The following HIVEP1 variants were observed in gnomAD, a reference collection of about 807,000 sequenced individuals.
The protein encoded by HIVEP1 is HIVEP zinc finger 1.
Under a neutral mutation model 180.0 loss-of-function variants are expected in HIVEP1, and 36 were observed. That is an observed-to-expected ratio of 0.20 (90% confidence interval 0.15 to 0.26). HIVEP1 has a LOEUF of 0.26. Among genes scored for constraint, HIVEP1 ranks in the 10% least tolerant of loss-of-function variants. HIVEP1 has a pLI of 1.00. For missense variants in HIVEP1, 3,143 were observed against 3,268.7 expected (o/e 0.96, Z 0.94); for synonymous variants, 1,239 against 1,239.0 (o/e 1.00, Z 0.00).
At chr6:12,032,314 A>ATT (rs761352312) in intron 2 of HIVEP1, among the ~76,000 whole-genome samples, 1 of 149,380 alleles carries the variant, frequency 6.7e-6, no homozygotes, top group African/African-American at 2.5e-5. Context: ...AATTTTTTGT[A>ATT]TTTTTTTTTA....
intron 2 of HIVEP1, among the ~76,000 whole-genome samples, chr6:12,078,324 G>A (rs1403605808): frequency 3.3e-5 from 5 of 151,956 alleles, no homozygotes; most frequent in Admixed American, 6.6e-5. Flanking sequence ...GTGCTGCCCC[G>A]TCTCTGTTGC....
At position 12,129,885 on chromosome 6, in the gene HIVEP1, G is replaced by A. The variant is rs780770916; in HGVS notation, c.6202G>A (p.Asp2068Asn). The A allele has an allele frequency of 6.5e-7, 1 of 1,550,224 alleles. No individual in the cohort carries two copies. Among genetic ancestry groups the A allele is most frequent in the East Asian group, 2.3e-5 (1 of 44,414 alleles). ...KSEPRRIKIF[D>N]GGYKSNEEYV... ...TGAACCAAGAAGAATTAAAATATTT[G>A]ATGGAGGGCAAGTACAAATTTTACT... The change falls in exon 5 of 9, where the codon GAT becomes AAT. Residue 2068 changes from aspartate to asparagine, a missense_variant. Physicochemically the swap from Asp to Asn is conservative, Grantham distance 23. Transcript: ENST00000379388.
intron 2 of HIVEP1, among the ~76,000 whole-genome samples, chr6:12,040,328 T>G (rs1769594107): frequency 6.6e-6 from 1 of 152,236 alleles, no homozygotes; most frequent in African/African-American, 2.4e-5. Flanking sequence ...TTTAAAATTG[T>G]GTAATTTTCT....
At chr6:12,061,953 G>T (rs1771264837) in intron 2 of HIVEP1, among the ~76,000 whole-genome samples, 1 of 152,110 alleles carries the variant, frequency 6.6e-6, no homozygotes, top group African/African-American at 2.4e-5. Flanking sequence ...ATTTGAATGA[G>T]AGCCAAGTAT....
intron 2 of HIVEP1, chr6:12,037,899 A>T (rs992945101): frequency 2.5e-6 from 1 of 392,830 alleles, no homozygotes; most frequent in Non-Finnish European, 4.5e-6. Context: ...GGCGGAGGGG[A>T]GGGGAGTTCC....
In HIVEP1 at chr6:12,163,341, C is replaced by T. The variant is rs535930258; in HGVS notation, c.7037C>T (p.Ala2346Val). The T allele has an allele frequency of 1.9e-5, 30 of 1,614,054 alleles. No individual in the cohort carries two copies. Among genetic ancestry groups the T allele is most frequent in the Middle Eastern group, 1.6e-4 (1 of 6,084 alleles). ...GCTGAGCACAGCCCCCAGACAGCAG[C>T]GGGGATGCCTTCTGTGGCCTCACCA... ...AAAEHSPQTA[A>V]GMPSVASPHP... is the part of the protein sequence containing the mutation. The change falls in exon 9 of 9, where the codon GCG (alanine) becomes GTG (valine). Residue 2346 changes from alanine (A) to valine (V), a missense_variant. Around this residue, in one of 12 missense-constraint regions of HIVEP1, gnomAD observed 595 missense variants for 602.2 expected, o/e 0.99. Coordinates refer to ENST00000379388, the MANE Select transcript of HIVEP1 (RefSeq NM_002114.4).
chr6:12,038,267 G>A (rs1769425378), intron 2 of HIVEP1: 1 of 152,070 alleles, frequency 6.6e-6, no homozygotes, highest in Admixed American at 6.6e-5. Context: ...ACTATATTTT[G>A]GTGTAATTGT....
chr6:12,019,348 G>A (rs550616094), intron 2 of HIVEP1, among the ~76,000 whole-genome samples: 2 of 152,312 alleles, frequency 1.3e-5, no homozygotes, highest in African/African-American at 4.8e-5. Flanking sequence ...GGATGTGGGG[G>A]TTAGAGTAAG....
the HIVEP1 span, among the ~76,000 whole-genome samples, chr6:12,196,412 A>G: frequency 6.6e-6 from 1 of 152,096 alleles, no homozygotes; most frequent in East Asian, 1.9e-4. Context: ...CAGTTTCTCC[A>G]TTTCTATCAT....
chr6:12,013,406 G>A (rs1368019053), intron 1 of HIVEP1, among the ~76,000 whole-genome samples: 1 of 152,142 alleles, frequency 6.6e-6, no homozygotes, highest in Non-Finnish European at 1.5e-5. Flanking sequence ...CGTCCTAGTC[G>A]CTACAATGCT....
Position 12,164,531 on chromosome 6 carries a change from T to G in HIVEP1, c.*70T>G. ...GGTTTCTTTGAAAACCCTCCTTTCCTTAAAGCACATTTTTCTGACATAAAC... is the reference window on the plus strand; with the variant it reads ...GGTTTCTTTGAAAACCCTCCTTTCCGTAAAGCACATTTTTCTGACATAAAC... On this transcript the variant is annotated 3_prime_UTR_variant, in exon 9 of 9. Transcript: ENST00000379388. The G allele has an allele frequency of 8.6e-7, 1 of 1,165,362 alleles. No homozygotes were observed. The highest frequency in any genetic ancestry group is 1.2e-6 in the Non-Finnish European group (1 of 842,010). The allele number at this position is 1,165,362 out of a possible 1,614,324, so 72.2% of individuals were successfully genotyped here.
intron 3 of HIVEP1, among the ~76,000 whole-genome samples, chr6:12,089,514 T>C (rs1773324874): frequency 6.6e-6 from 1 of 152,086 alleles, no homozygotes; most frequent in South Asian, 2.1e-4. Context: ...TGTGAGACTG[T>C]CCTGTAGCAA....
At chr6:12,168,771 T>C (rs868135369), downstream of HIVEP1, among the ~76,000 whole-genome samples, 26 of 152,284 alleles carry the variant, frequency 1.7e-4, no homozygotes, top group Middle Eastern at 6.8e-3. Flanking sequence ...ACTTTATTTA[T>C]TTTTAAATAA....
At chr6:12,187,397 T>C in the HIVEP1 span, among the ~76,000 whole-genome samples, 1 of 151,962 alleles carries the variant, frequency 6.6e-6, no homozygotes, top group African/African-American at 2.4e-5. Flanking sequence ...CTCTGTTAGT[T>C]GCACAGGAAC....
intron 2 of HIVEP1, among the ~76,000 whole-genome samples, chr6:12,079,083 C>T (rs1052518115): frequency 6.6e-6 from 1 of 152,084 alleles, no homozygotes; most frequent in Non-Finnish European, 1.5e-5. Context: ...TCCTTCCATT[C>T]GCTACATCAG....
intron 2 of HIVEP1, among the ~76,000 whole-genome samples, chr6:12,061,196 G>A (rs574298873): frequency 2.6e-5 from 4 of 152,300 alleles, no homozygotes; most frequent in Admixed American, 1.3e-4. Context: ...TGAAAGGATT[G>A]TAATGTTGTG....
At chr6:12,172,577 A>G in the HIVEP1 span, among the ~76,000 whole-genome samples, 1 of 152,198 alleles carries the variant, frequency 6.6e-6, no homozygotes, top group African/African-American at 2.4e-5. Context: ...CTAACAAGAT[A>G]TTAGATTTAA....
intron 7 of HIVEP1, among the ~76,000 whole-genome samples, chr6:12,148,592 A>G (rs1192652332): frequency 6.6e-6 from 1 of 152,158 alleles, no homozygotes; most frequent in Non-Finnish European, 1.5e-5. Context: ...CATCTTCTTA[A>G]TCTAACATAA....
chr6:12,054,016 C>T (rs1362946103), intron 2 of HIVEP1, among the ~76,000 whole-genome samples: 1 of 152,174 alleles, frequency 6.6e-6, no homozygotes, highest in Non-Finnish European at 1.5e-5. Context: ...GTTATCTTTC[C>T]CTTCTCCATT....
Sources: allele counts gnomAD v4.1 joint callset (sites outside exome capture counted in the v4.1 genomes callset), GRCh38; gene constraint gnomAD v4.1.1; regional missense constraint gnomAD v4.1.1; transcripts MANE v1.5; gene names NCBI Gene and HGNC (gene_info 2026-07-23, HGNC 2026-07-21).